The following CLYBL variants were observed in gnomAD, a reference collection of about 807,000 sequenced individuals.
CLYBL encodes citramalyl-CoA lyase, mitochondrial.
CLYBL carries 31 observed loss-of-function variants against 38.9 expected under a neutral mutation model. The ratio of observed to expected loss-of-function variants is 0.80; its 90% CI spans 0.60 to 1.08. The LOEUF (loss-of-function observed/expected upper bound fraction) is 1.08. Among genes scored for constraint, CLYBL ranks in the 50% least tolerant of loss-of-function variants. The pLI is 0.00. For synonymous variants in CLYBL, 171 were observed against 158.6 expected (o/e 1.08, Z -0.59); for missense variants, 434 against 411.6 (o/e 1.05, Z -0.47).
chr13:99,711,629 C>G (rs2048234753), intron 1 of CLYBL, among the ~76,000 whole-genome samples: 1 of 151,086 alleles, frequency 6.6e-6, no homozygotes, highest in Non-Finnish European at 1.5e-5. Context: ...TGGTCTTGAA[C>G]TCCCGACCTC....
intron 2 of CLYBL, among the ~76,000 whole-genome samples, chr13:99,803,708 G>A (rs2050177469): frequency 1.3e-5 from 2 of 152,208 alleles, no homozygotes; most frequent in South Asian, 4.1e-4. Context: ...CCATTTAGGA[G>A]ATGGTTCACT....
At chr13:99,623,371 C>T (rs1484910413) in intron 1 of CLYBL, among the ~76,000 whole-genome samples, 1 of 152,152 alleles carries the variant, frequency 6.6e-6, no homozygotes, top group African/African-American at 2.4e-5. Flanking sequence ...AATTTCACTT[C>T]TCTGCTTCAC....
intron 1 of CLYBL, among the ~76,000 whole-genome samples, chr13:99,644,682 C>T (rs1210025530): frequency 1.3e-5 from 2 of 152,174 alleles, no homozygotes; most frequent in Admixed American, 1.3e-4. Context: ...CCCTTCCCAG[C>T]CCCTGATAAC....
chr13:99,885,366 C>G lies in CLYBL; in HGVS notation c.928-5952C>G, dbSNP rs148138040. On this transcript the variant is annotated intron_variant, in intron 7 of 8. Coordinates refer to ENST00000339105, the MANE Select transcript of CLYBL (RefSeq NM_206808.5). ...AACAGGGCATGCGGCAGAGCTGCAG[C>G]GTGGTGTGTGTTGGGGTACAGGCCT... Among the ~76,000 whole-genome samples, 100 of 152,098 alleles carry G rather than the reference C, an allele frequency of 6.6e-4. 1 individual carries two copies. Among genetic ancestry groups the G allele is most frequent in the South Asian group, 3.9e-3 (19 of 4,814 alleles).
At chr13:99,845,128 C>T (rs2051169609) in intron 2 of CLYBL, among the ~76,000 whole-genome samples, 1 of 152,184 alleles carries the variant, frequency 6.6e-6, no homozygotes, top group Admixed American at 6.5e-5. Flanking sequence ...GAGGCCCTTC[C>T]TGGCAGAACT....
chr13:99,683,615 A>G (rs1489061323), intron 1 of CLYBL, among the ~76,000 whole-genome samples: 1 of 151,908 alleles, frequency 6.6e-6, no homozygotes, highest in Non-Finnish European at 1.5e-5. Flanking sequence ...CCACCTCTAC[A>G]GCTTGTCCCA....
chr13:99,867,496 A>T (rs1209687151), intron 6 of CLYBL, among the ~76,000 whole-genome samples: 4 of 152,094 alleles, frequency 2.6e-5, no homozygotes, highest in Admixed American at 6.5e-5. Context: ...TAAAATAAAT[A>T]TGACCCCCCC....
At chr13:99,657,095 G>A (rs995045668) in intron 1 of CLYBL, among the ~76,000 whole-genome samples, 4 of 152,236 alleles carry the variant, frequency 2.6e-5, no homozygotes, top group African/African-American at 9.6e-5. Flanking sequence ...GGTACATGCA[G>A]ACGTGCTTCA....
Position 99,844,460 on chromosome 13 carries a change from G to A in CLYBL, c.250-14401G>A, listed in dbSNP as rs145813468. On this transcript the variant is annotated intron_variant, in intron 2 of 8. Coordinates refer to ENST00000339105, the MANE Select transcript of CLYBL (RefSeq NM_206808.5). ...TTGAACGTTGGAACACATGTATTTTGTCCCCAAGCCCCTGGTGTTGGCACA... is the reference window on the plus strand; with the variant it reads ...TTGAACGTTGGAACACATGTATTTTATCCCCAAGCCCCTGGTGTTGGCACA... Among the ~76,000 whole-genome samples the A allele has an allele frequency of 1.5e-4, 23 of 152,310 alleles. No individual in the cohort carries two copies. In the East Asian group the frequency reaches 3.1e-3, roughly 20 times the overall value.
intron 1 of CLYBL, among the ~76,000 whole-genome samples, chr13:99,608,618 G>A (rs1948590029): frequency 6.6e-6 from 1 of 152,220 alleles, no homozygotes; most frequent in African/African-American, 2.4e-5. Context: ...GGTCCAGTGA[G>A]CGCACACAGT....
intron 2 of CLYBL, among the ~76,000 whole-genome samples, chr13:99,838,200 A>G (rs2139108502): frequency 6.6e-6 from 1 of 152,358 alleles, no homozygotes; most frequent in Non-Finnish European, 1.5e-5. Flanking sequence ...TTTTATATTT[A>G]AAACTAAGGG....
intron 2 of CLYBL, among the ~76,000 whole-genome samples, chr13:99,817,590 G>A (rs1201622665): frequency 1.3e-5 from 2 of 148,998 alleles, no homozygotes; most frequent in African/African-American, 5.0e-5. Context: ...GGGAGGCAGA[G>A]CTTGCAGTGA....
chr13:99,862,988 T>C lies in CLYBL; in HGVS notation c.439-3T>C. ...TAATCACCTATGACACTTCTGATTT[T>C]AGTTTGCAGACAAATTTTCATTCCA... On this transcript the variant is annotated splice_polypyrimidine_tract_variant and splice_region_variant and intron_variant, in intron 3 of 8. Coordinates refer to ENST00000339105, the MANE Select transcript of CLYBL (RefSeq NM_206808.5). 6.3e-7 allele frequency: 1 copy of C among 1,586,620 alleles called. No homozygotes were observed.
At chr13:99,723,942 A>G (rs944809335) in intron 1 of CLYBL, among the ~76,000 whole-genome samples, 6 of 148,814 alleles carry the variant, frequency 4.0e-5, no homozygotes, top group East Asian at 2.0e-4. Context: ...AGATTTTTCA[A>G]TTCTCCTCCG....
intron 2 of CLYBL, among the ~76,000 whole-genome samples, chr13:99,822,306 A>T (rs141909468): frequency 3.9e-5 from 6 of 152,374 alleles, no homozygotes; most frequent in Non-Finnish European, 8.8e-5. Flanking sequence ...AAGTAGGTAG[A>T]GAAGAATGTA....
chr13:99,841,787 CTTTCT>C (rs200326267), intron 2 of CLYBL, among the ~76,000 whole-genome samples: 208 of 145,052 alleles, frequency 1.4e-3, no homozygotes, highest in African/African-American at 2.4e-3. Flanking sequence ...TATTTTTTTT[CTTTCT>C]TTTCTTTTCT....
At chr13:99,759,259 A>T (rs549875194) in intron 1 of CLYBL, among the ~76,000 whole-genome samples, 1 of 152,366 alleles carries the variant, frequency 6.6e-6, no homozygotes, top group East Asian at 1.9e-4. Context: ...CATTTAGGTC[A>T]AGTTTAAGGA....
intron 1 of CLYBL, among the ~76,000 whole-genome samples, chr13:99,720,595 G>A (rs146024333): frequency 1.7e-4 from 26 of 152,232 alleles, no homozygotes; most frequent in African/African-American, 6.0e-4. Context: ...TATGGAGAAC[G>A]TGTTTATTTT....
At chr13:99,674,049 T>G (rs1429958328) in intron 1 of CLYBL, among the ~76,000 whole-genome samples, 1 of 148,116 alleles carries the variant, frequency 6.8e-6, no homozygotes, top group Non-Finnish European at 1.5e-5. Context: ...AGCACGCTTT[T>G]GTTGGGGTAG....
Sources: allele counts gnomAD v4.1 joint callset (sites outside exome capture counted in the v4.1 genomes callset), GRCh38; gene constraint gnomAD v4.1.1; transcripts MANE v1.5; gene names NCBI Gene and HGNC (gene_info 2026-07-23, HGNC 2026-07-21).